VAV3: variants seen among roughly 807,000 people sequenced by gnomAD.
The protein encoded by VAV3 is vav guanine nucleotide exchange factor 3.
In VAV3, 94 loss-of-function variants were observed where a neutral mutation model predicts 131.2. The observed-to-expected ratio is 0.72, with a 90% CI of 0.61 to 0.85. The LOEUF (loss-of-function observed/expected upper bound fraction) is 0.85, where lower values mean the gene tolerates loss of function less well. VAV3 is among the 40% of genes least tolerant of loss of function. The pLI, the probability that VAV3 is intolerant of heterozygous loss-of-function variation, is 0.00. For missense variants in VAV3, 939 were observed against 1,002.7 expected (o/e 0.94, Z 0.86); for synonymous variants, 349 against 342.0 (o/e 1.02, Z -0.22).
At chr1:107,601,180 A>G (rs1465176950) in intron 24 of VAV3, among the ~76,000 whole-genome samples, 1 of 152,098 alleles carries the variant, frequency 6.6e-6, no homozygotes, top group East Asian at 1.9e-4. Context: ...TGCTTGTTTC[A>G]ACAGAATGTA....
At chr1:107,867,585 C>A (rs750912947) in intron 2 of VAV3, among the ~76,000 whole-genome samples, 2 of 152,144 alleles carry the variant, frequency 1.3e-5, no homozygotes, top group African/African-American at 2.4e-5. Flanking sequence ...AAAAGGTAGC[C>A]TTGGAACAAG....
intron 25 of VAV3, among the ~76,000 whole-genome samples, chr1:107,577,447 T>C (rs1489144497): frequency 1.3e-5 from 2 of 152,226 alleles, no homozygotes; most frequent in Admixed American, 6.5e-5. Flanking sequence ...CCTTCTTTCA[T>C]GTCTTAGATT....
At chr1:107,735,563 AG>A (rs1415017934) in intron 15 of VAV3, among the ~76,000 whole-genome samples, 24 of 152,250 alleles carry the variant, frequency 1.6e-4, no homozygotes, top group Admixed American at 1.1e-3. Context: ...CTACCATCAG[AG>A]AATACTATAA....
chr1:107,922,909 G>A (rs951434511), intron 1 of VAV3, among the ~76,000 whole-genome samples: 4 of 146,816 alleles, frequency 2.7e-5, no homozygotes, highest in East Asian at 2.0e-4. Flanking sequence ...CCGAGATCGC[G>A]CCACTGCACT....
At chr1:107,631,087 T>C (rs938855662) in intron 20 of VAV3, among the ~76,000 whole-genome samples, 1 of 152,154 alleles carries the variant, frequency 6.6e-6, no homozygotes, top group Non-Finnish European at 1.5e-5. Context: ...TTTTAAATCA[T>C]ACACTAATTT....
rs138789168 is a variant in VAV3 at position 107,814,452 on chromosome 1, A to T, written c.322-34960T>A. On this transcript the variant is annotated intron_variant, in intron 2 of 26. Transcript: ENST00000370056. ...TGTTGGCCATTTGTGTCTTCCTTTG[A>T]GAAATGTTTATTCATGTTTTTACAT... 3.3e-5 allele frequency among the ~76,000 whole-genome samples: 5 copies of T among 152,126 alleles called. No individual in the cohort carries two copies. In the East Asian group the frequency reaches 9.7e-4, roughly 29 times the overall value.
rs576904867 is a variant in VAV3, at chr1:107,888,878, G to A, written c.205-13861C>T. 3.3e-5 allele frequency among the ~76,000 whole-genome samples: 5 copies of A among 151,978 alleles called. No individual in the cohort carries two copies. In the South Asian group the frequency reaches 8.3e-4, roughly 25 times the overall value. On this transcript the variant is annotated intron_variant, in intron 1 of 26. Coordinates refer to ENST00000370056, the MANE Select transcript of VAV3 (RefSeq NM_006113.5). Reference sequence around the variant, plus strand: ...CCTAATTGATATTCTTTCTCGGCACGCACACTCCTCTGAATTTAGCATCAT... The same window carrying A: ...CCTAATTGATATTCTTTCTCGGCACACACACTCCTCTGAATTTAGCATCAT...
At chr1:107,748,312 A>T (rs1663482997) in intron 15 of VAV3, among the ~76,000 whole-genome samples, 1 of 152,194 alleles carries the variant, frequency 6.6e-6, no homozygotes, top group African/African-American at 2.4e-5. Context: ...ATCCTTAAAC[A>T]TCAAAACTAA....
At chr1:107,683,592 A>T in intron 18 of VAV3, 59 bp from the exon 19 acceptor site, 2 of 1,556,484 alleles carry the variant, frequency 1.3e-6, no homozygotes, top group Non-Finnish European at 1.8e-6. Context: ...TGCACTATTA[A>T]ATTGTATTAC....
chr1:107,921,394 A>G (rs930775409), intron 1 of VAV3, among the ~76,000 whole-genome samples: 23 of 152,368 alleles, frequency 1.5e-4, no homozygotes, highest in African/African-American at 5.3e-4. Context: ...GAGGGTAAGG[A>G]ACTGGGGAAA....
intron 15 of VAV3, among the ~76,000 whole-genome samples, chr1:107,738,709 C>T (rs1662830541): frequency 6.6e-6 from 1 of 152,224 alleles, no homozygotes; most frequent in Admixed American, 6.5e-5. Context: ...AAAAATAGTA[C>T]ATGTCACACT....
chr1:107,868,547 C>T (rs1027631174), intron 2 of VAV3, among the ~76,000 whole-genome samples: 5 of 152,116 alleles, frequency 3.3e-5, no homozygotes, highest in Admixed American at 1.3e-4. Flanking sequence ...TGGTGACCTT[C>T]TAAACCTCAA....
chr1:107,716,635 C>T (rs1338399781), intron 15 of VAV3, among the ~76,000 whole-genome samples: 2 of 152,158 alleles, frequency 1.3e-5, no homozygotes, highest in Admixed American at 1.3e-4. Flanking sequence ...ATTCAGTTTG[C>T]CAGTATTTTA....
chr1:107,780,189 T>C (rs943474537), intron 2 of VAV3, among the ~76,000 whole-genome samples: 6 of 152,186 alleles, frequency 3.9e-5, no homozygotes, highest in African/African-American at 9.7e-5. Flanking sequence ...ATAATAATAG[T>C]TAGATTATTA....
chr1:107,922,157 GC>G (rs1302449630), intron 1 of VAV3, among the ~76,000 whole-genome samples: 1 of 152,106 alleles, frequency 6.6e-6, no homozygotes, highest in African/African-American at 2.4e-5. Flanking sequence ...GTTGACAGTT[GC>G]CTCCACTGGG....
intron 21 of VAV3, among the ~76,000 whole-genome samples, chr1:107,614,866 G>A (rs987572529): frequency 6.6e-6 from 1 of 152,022 alleles, no homozygotes; most frequent in Non-Finnish European, 1.5e-5. Flanking sequence ...AACAGTACAT[G>A]GTACATTCAA....
At chr1:107,961,355 C>T (rs2101408616) in intron 1 of VAV3, among the ~76,000 whole-genome samples, 1 of 152,294 alleles carries the variant, frequency 6.6e-6, no homozygotes, top group Non-Finnish European at 1.5e-5. Context: ...CTTCCACAGG[C>T]ACACCCCCAG....
At chr1:107,595,306 G>A (rs1651283593) in intron 25 of VAV3, among the ~76,000 whole-genome samples, 1 of 152,072 alleles carries the variant, frequency 6.6e-6, no homozygotes, top group Non-Finnish European at 1.5e-5. Flanking sequence ...AAACTTCACT[G>A]ATGTTGTTGA....
chr1:107,591,833 C>T (rs890439600), intron 25 of VAV3, among the ~76,000 whole-genome samples: 1 of 152,116 alleles, frequency 6.6e-6, no homozygotes, highest in East Asian at 1.9e-4. Context: ...TTGCTAAATA[C>T]TCAGCACACG....
Sources: gnomAD v4.1 joint callset for allele counts (sites outside exome capture counted in the v4.1 genomes callset) on GRCh38, gnomAD v4.1.1 for gene constraint, MANE v1.5 for transcripts, NCBI Gene and HGNC (gene_info 2026-07-23, HGNC 2026-07-21) for gene names.